Variants in HPSE2 observed in about 807,000 individuals in gnomAD.
HPSE2 encodes the protein inactive heparanase-2.
A neutral mutation model predicts 60.5 loss-of-function variants in HPSE2; 38 were observed. The observed-to-expected ratio is 0.63, with a 90% CI of 0.48 to 0.82. HPSE2 has a LOEUF of 0.82. HPSE2 is among the 40% of genes least tolerant of loss of function. The pLI is 0.00. For synonymous variants in HPSE2, 295 were observed against 293.2 expected, an observed-to-expected ratio of 1.01 and a Z score of -0.06; for missense variants, 713 against 740.4, an observed-to-expected ratio of 0.96 and a Z score of 0.43.
At chr10:98,967,594 C>T (rs1955845393) in intron 3 of HPSE2, among the ~76,000 whole-genome samples, 2 of 152,278 alleles carry the variant, frequency 1.3e-5, no homozygotes, top group South Asian at 4.1e-4. Flanking sequence ...TTGACTCTTA[C>T]ATACAAATAA....
intron 3 of HPSE2, among the ~76,000 whole-genome samples, chr10:99,070,770 G>C (rs77053810): frequency 6.6e-6 from 1 of 152,160 alleles, no homozygotes; most frequent in South Asian, 2.1e-4. Context: ...TCGTCTTTCT[G>C]TGACTGGTTT....
chr10:98,560,187 C>T (rs1051074345), intron 9 of HPSE2, among the ~76,000 whole-genome samples: 1 of 151,894 alleles, frequency 6.6e-6, no homozygotes, highest in Non-Finnish European at 1.5e-5. Context: ...TTAAGCTCAA[C>T]CTATCATTAC....
chr10:98,473,856 C>T (rs72838931), intron 11 of HPSE2, among the ~76,000 whole-genome samples: 28,053 of 152,116 alleles, frequency 0.18, 2,704 homozygotes, highest in East Asian at 0.3. Flanking sequence ...ATTCCTGAGA[C>T]GAGCCATCCC....
At chr10:99,127,545 G>A (rs945829440) in intron 3 of HPSE2, among the ~76,000 whole-genome samples, 1 of 152,182 alleles carries the variant, frequency 6.6e-6, no homozygotes, top group Non-Finnish European at 1.5e-5. Flanking sequence ...AGGAAGAAGA[G>A]AAATCTAAAA....
chr10:98,553,333 G>A, intron 9 of HPSE2, among the ~76,000 whole-genome samples: 1 of 152,312 alleles, frequency 6.6e-6, no homozygotes, highest in Non-Finnish European at 1.5e-5. Context: ...TACTACAGAT[G>A]TTGATACTTT....
chr10:98,495,706 C>T (rs568231608), intron 9 of HPSE2, among the ~76,000 whole-genome samples: 1 of 28,414 alleles, frequency 3.5e-5, no homozygotes, highest in East Asian at 1.4e-3. Flanking sequence ...TTTTCAGCTC[C>T]AGAATTTTTT....
intron 2 of HPSE2, among the ~76,000 whole-genome samples, chr10:99,176,174 C>T (rs1479989006): frequency 7.2e-5 from 11 of 152,142 alleles, no homozygotes; most frequent in Non-Finnish European, 2.9e-5. Context: ...AAAACCAGCA[C>T]AAAAAGCCTG....
At chr10:98,936,025 T>C (rs556992381) in intron 3 of HPSE2, among the ~76,000 whole-genome samples, 1 of 144,350 alleles carries the variant, frequency 6.9e-6, no homozygotes, top group East Asian at 2.0e-4. Flanking sequence ...TCTAGAGAAG[T>C]AGTCTGGCCA....
intron 3 of HPSE2, chr10:99,013,469 T>A: frequency 4.7e-6 from 2 of 424,530 alleles, no homozygotes; most frequent in East Asian, 6.2e-5. Context: ...ATTATTATGA[T>A]TATGATTATT....
chr10:98,812,833 T>G (rs1951199442), intron 3 of HPSE2, among the ~76,000 whole-genome samples: 2 of 152,144 alleles, frequency 1.3e-5, no homozygotes, highest in African/African-American at 4.8e-5. Context: ...CCATAAAAGC[T>G]TTTTTACAAT....
chr10:98,673,574 C>T (rs1947560286), intron 6 of HPSE2, among the ~76,000 whole-genome samples: 1 of 152,166 alleles, frequency 6.6e-6, no homozygotes, highest in African/African-American at 2.4e-5. Context: ...CTCATCCACC[C>T]ACAGCCACAC....
intron 2 of HPSE2, among the ~76,000 whole-genome samples, chr10:99,196,041 G>C (rs768400721): frequency 6.6e-6 from 1 of 151,936 alleles, no homozygotes; most frequent in Non-Finnish European, 1.5e-5. Context: ...AGAGAACCCA[G>C]AAATAAAAAC....
chr10:98,696,623 C>G (rs1338616042), intron 5 of HPSE2, among the ~76,000 whole-genome samples: 4 of 152,100 alleles, frequency 2.6e-5, no homozygotes, highest in Non-Finnish European at 5.9e-5. Context: ...TGCGTAGATT[C>G]TCAACAGCCA....
intron 2 of HPSE2, among the ~76,000 whole-genome samples, chr10:99,229,934 A>C (rs1315662893): frequency 6.6e-6 from 1 of 152,234 alleles, no homozygotes; most frequent in Non-Finnish European, 1.5e-5. Flanking sequence ...CTGAGACTAT[A>C]CCAAGAACAT....
At chr10:98,676,494 T>C (rs1947645626) in intron 6 of HPSE2, among the ~76,000 whole-genome samples, 1 of 152,214 alleles carries the variant, frequency 6.6e-6, no homozygotes, top group Non-Finnish European at 1.5e-5. Flanking sequence ...TTAAGGCCAC[T>C]ACCTTAGTCA....
intron 4 of HPSE2, among the ~76,000 whole-genome samples, chr10:98,741,184 CATA>C (rs1182281301): frequency 2.8e-4 from 43 of 152,094 alleles, no homozygotes; most frequent in Non-Finnish European, 4.1e-4. Flanking sequence ...TGACGAGATT[CATA>C]ATGACCTATA....
chr10:98,710,408 G>A (rs1178904244), intron 5 of HPSE2, among the ~76,000 whole-genome samples: 3 of 152,046 alleles, frequency 2.0e-5, no homozygotes, highest in African/African-American at 7.2e-5. Flanking sequence ...AATGGCTAGT[G>A]CAGATCTCTA....
intron 3 of HPSE2, among the ~76,000 whole-genome samples, chr10:98,960,048 T>C (rs572143062): frequency 2.6e-5 from 4 of 152,258 alleles, no homozygotes; most frequent in South Asian, 4.1e-4. Flanking sequence ...TGAGATTATA[T>C]CCATCAAACC....
intron 9 of HPSE2, among the ~76,000 whole-genome samples, chr10:98,561,164 TG>T (rs1944167414): frequency 2.0e-5 from 1 of 49,408 alleles, no homozygotes; most frequent in Non-Finnish European, 6.0e-5. Context: ...TTTTTTTTTT[TG>T]TTCTTTTTTT....
Sources: allele counts gnomAD v4.1 joint callset (sites outside exome capture counted in the v4.1 genomes callset), GRCh38; gene constraint gnomAD v4.1.1; transcripts MANE v1.5; gene names NCBI Gene and HGNC (gene_info 2026-07-23, HGNC 2026-07-21).